Variants in GABRG3 observed in about 807,000 individuals in gnomAD.
GABRG3 encodes gamma-aminobutyric acid receptor subunit gamma-3.
Under a neutral mutation model 48.8 loss-of-function variants are expected in GABRG3, and 25 were observed. The ratio of observed to expected loss-of-function variants is 0.51; its 90% CI spans 0.37 to 0.72. The LOEUF (loss-of-function observed/expected upper bound fraction) is 0.72, where lower values mean the gene tolerates loss of function less well. GABRG3 is among the 30% of genes least tolerant of loss of function. The probability of loss-of-function intolerance (pLI) is 0.00; values close to 1 mark genes in which losing one functional copy is unlikely to be tolerated. For missense variants in GABRG3, 394 were observed against 577.9 expected (o/e 0.68, Z 3.26); for synonymous variants, 227 against 217.6 (o/e 1.04, Z -0.38).
chr15:27,206,348 CTAAT>C (rs1173163361), intron 3 of GABRG3, among the ~76,000 whole-genome samples: 2 of 152,088 alleles, frequency 1.3e-5, no homozygotes, highest in African/African-American at 2.4e-5. Context: ...TAATTTCCAT[CTAAT>C]GGTATGGTTT....
intron 6 of GABRG3, among the ~76,000 whole-genome samples, chr15:27,488,484 G>A (rs1890271934): frequency 6.6e-6 from 1 of 152,098 alleles, no homozygotes; most frequent in East Asian, 1.9e-4. Context: ...TTCCTCATCT[G>A]CAAAATGGGG....
intron 7 of GABRG3, among the ~76,000 whole-genome samples, chr15:27,525,962 A>G (rs1397697801): frequency 2.0e-5 from 3 of 151,808 alleles, no homozygotes. Flanking sequence ...AAAAGTAAAT[A>G]AAATAATTTT....
At chr15:27,008,130 T>C (rs910384578) in intron 2 of GABRG3, among the ~76,000 whole-genome samples, 1 of 152,196 alleles carries the variant, frequency 6.6e-6, no homozygotes, top group Non-Finnish European at 1.5e-5. Context: ...CTTTTAAAAT[T>C]AATTTAGCTA....
At chr15:27,010,267 T>C (rs1243202767) in intron 2 of GABRG3, among the ~76,000 whole-genome samples, 2 of 152,312 alleles carry the variant, frequency 1.3e-5, no homozygotes, top group Admixed American at 1.3e-4. Flanking sequence ...GGCACCTTCC[T>C]AGGAATTTTG....
chr15:27,190,761 T>C (rs2140422342), intron 3 of GABRG3, among the ~76,000 whole-genome samples: 1 of 152,230 alleles, frequency 6.6e-6, no homozygotes, highest in East Asian at 1.9e-4. Context: ...TTTCTTGCCT[T>C]CTGCTAGCTT....
chr15:27,376,886 C>T (rs1211725400), intron 5 of GABRG3, among the ~76,000 whole-genome samples: 5 of 152,184 alleles, frequency 3.3e-5, no homozygotes, highest in Admixed American at 2.0e-4. Flanking sequence ...TTGAATTTCT[C>T]CTCAGAAAAT....
At chr15:27,321,837 G>A (rs2046092192) in intron 3 of GABRG3, among the ~76,000 whole-genome samples, 1 of 152,252 alleles carries the variant, frequency 6.6e-6, no homozygotes, top group African/African-American at 2.4e-5. Flanking sequence ...AGAAGTTACA[G>A]ATGGATATTG....
At chr15:27,381,705 T>C (rs183098076) in intron 5 of GABRG3, among the ~76,000 whole-genome samples, 1 of 152,330 alleles carries the variant, frequency 6.6e-6, no homozygotes, top group African/African-American at 2.4e-5. Context: ...GTGAAGACTT[T>C]CAAGCTCCGT....
intron 5 of GABRG3, among the ~76,000 whole-genome samples, chr15:27,366,562 C>A (rs9708223): frequency 0.25 from 37,829 of 151,922 alleles, 5,008 homozygotes; most frequent in Middle Eastern, 0.34. Flanking sequence ...GCTCTCCTCC[C>A]AGCCTCAGCC....
In GABRG3 at chr15:27,536,426, C is replaced by T. The variant is rs1891548250; in HGVS notation, c.*3545C>T. 6.6e-6 allele frequency: 1 copy of T among 152,126 alleles called. No individual in the cohort carries two copies. The highest frequency in any genetic ancestry group is 1.5e-5 in the Non-Finnish European group (1 of 68,034). The allele number at this position is 152,126 out of a possible 1,614,324, so 9.4% of individuals were successfully genotyped here. A position where few individuals can be genotyped will look rare whatever the true frequency, so the allele number is the denominator to read the frequency against. ...ACACATCTTTTAAGATTTTCCATTT[C>T]CTGCAGTTAGCTATATTTCATGCCA... is the stretch of plus-strand genomic sequence containing the variant. On this transcript the variant is annotated 3_prime_UTR_variant, in exon 10 of 10. Transcript: ENST00000615808.
At chr15:27,313,196 GTATATA>G (rs201133227) in intron 3 of GABRG3, among the ~76,000 whole-genome samples, 1 of 127,758 alleles carries the variant, frequency 7.8e-6, no homozygotes, top group Non-Finnish European at 1.6e-5. Context: ...ATATATATGT[GTATATA>G]TATATATGTA....
intron 3 of GABRG3, among the ~76,000 whole-genome samples, chr15:27,219,551 G>A (rs895409429): frequency 1.2e-4 from 18 of 152,160 alleles, no homozygotes; most frequent in African/African-American, 4.3e-4. Context: ...TGGATCCTGT[G>A]GCCCTGGATG....
Position 27,412,044 on chromosome 15 carries a change from G to T in GABRG3, c.575-68606G>T, listed in dbSNP as rs531357804. On this transcript the variant is annotated intron_variant, in intron 5 of 9. Coordinates refer to ENST00000615808, the MANE Select transcript of GABRG3 (RefSeq NM_033223.5). ...TCGTATAATATTTATTTCTGGGCAG[G>T]TCTGCTGCCATTTTGTTCCCTAACT... is the stretch of plus-strand genomic sequence containing the variant. 7.2e-5 allele frequency among the ~76,000 whole-genome samples: 11 copies of T among 151,874 alleles called. No homozygotes were observed. In the East Asian group the frequency reaches 2.1e-3, roughly 30 times the overall value.
Position 27,081,283 on chromosome 15 carries a change from A to T in GABRG3, c.270+54462A>T, listed in dbSNP as rs535619453. 1.2e-4 allele frequency among the ~76,000 whole-genome samples: 19 copies of T among 152,276 alleles called. 1 individual carries two copies. Among genetic ancestry groups the T allele is most frequent in the South Asian group, 1.2e-3 (6 of 4,826 alleles). On this transcript the variant is annotated intron_variant, in intron 3 of 9. Coordinates refer to ENST00000615808, the MANE Select transcript of GABRG3 (RefSeq NM_033223.5). ...CTAGATACATACTGATAGAACTAGG[A>T]TCTTTTAATTCTCATGTTTTGCTGA...
intron 3 of GABRG3, among the ~76,000 whole-genome samples, chr15:27,124,941 A>G (rs1897792950): frequency 6.6e-6 from 1 of 152,068 alleles, no homozygotes; most frequent in African/African-American, 2.4e-5. Flanking sequence ...ATGGCTACTG[A>G]TTTCTTCAAA....
chr15:27,517,323 T>C (rs1891045657), intron 6 of GABRG3, among the ~76,000 whole-genome samples: 1 of 152,208 alleles, frequency 6.6e-6, no homozygotes, highest in Non-Finnish European at 1.5e-5. Context: ...CCTCCAGTCA[T>C]GCACCCAACA....
intron 3 of GABRG3, among the ~76,000 whole-genome samples, chr15:27,281,648 A>G (rs1218634164): frequency 6.6e-6 from 1 of 151,742 alleles, no homozygotes. Flanking sequence ...TTTGATTTAA[A>G]TATAGAAATA....
chr15:27,537,057 T>C lies in GABRG3; in HGVS notation c.*4176T>C, dbSNP rs1438082084. The C allele has an allele frequency of 6.6e-6, 1 of 151,156 alleles. No individual in the cohort carries two copies. Among genetic ancestry groups the C allele is most frequent in the Non-Finnish European group, 1.5e-5 (1 of 67,938 alleles). The allele number at this position is 151,156 out of a possible 1,614,324, so 9.4% of individuals were successfully genotyped here. ...GGAATTCACTCCATGATCTTGCAAC[T>C]CTTTTTGAGTGCTTTTCCTGAGCGA... On this transcript the variant is annotated 3_prime_UTR_variant, in exon 10 of 10. Transcript: ENST00000615808.
intron 6 of GABRG3, among the ~76,000 whole-genome samples, chr15:27,515,152 G>A (rs1890989071): frequency 1.3e-5 from 2 of 151,956 alleles, no homozygotes; most frequent in South Asian, 4.2e-4. Context: ...GGCATTCCGA[G>A]ATAGTTCTCG....
Sources: gnomAD v4.1 joint callset for allele counts (sites outside exome capture counted in the v4.1 genomes callset) on GRCh38, gnomAD v4.1.1 for gene constraint, MANE v1.5 for transcripts, NCBI Gene and HGNC (gene_info 2026-07-23, HGNC 2026-07-21) for gene names.